TRDN: variants seen among roughly 807,000 people sequenced by gnomAD.
TRDN encodes triadin, also known as triadin in skeletal muscle.
In TRDN, 161 loss-of-function variants were observed where a neutral mutation model predicts 149.7. The observed-to-expected ratio is 1.08, with a 90% CI of 0.95 to 1.23. The LOEUF (loss-of-function observed/expected upper bound fraction) is 1.23. Among genes scored for constraint, TRDN ranks in the 50% most tolerant of loss-of-function variants. TRDN has a pLI of 0.00. For synonymous variants in TRDN, 294 were observed against 250.5 expected (o/e 1.17, Z -1.64); for missense variants, 896 against 823.5 (o/e 1.09, Z -1.08).
At chr6:123,318,617 C>T (rs1418785986) in intron 23 of TRDN, among the ~76,000 whole-genome samples, 1 of 151,932 alleles carries the variant, frequency 6.6e-6, no homozygotes, top group Non-Finnish European at 1.5e-5. Context: ...TCTTTTCTTC[C>T]TAGGACACAG....
At chr6:123,465,944 G>A (rs77476074) in intron 9 of TRDN, among the ~76,000 whole-genome samples, 2,084 of 152,236 alleles carry the variant, frequency 0.014, 40 homozygotes, top group African/African-American at 0.047. Context: ...GTGTAATATG[G>A]TTTAGCAAGC....
chr6:123,322,782 A>G (rs1317581727), intron 23 of TRDN, among the ~76,000 whole-genome samples: 2 of 151,880 alleles, frequency 1.3e-5, no homozygotes, highest in Admixed American at 6.6e-5. Flanking sequence ...CTGGGACTAT[A>G]GGTGCCTACC....
At chr6:123,598,612 C>A (rs557614103) in intron 1 of TRDN, among the ~76,000 whole-genome samples, 12 of 152,044 alleles carry the variant, frequency 7.9e-5, no homozygotes, top group Non-Finnish European at 1.5e-4. Context: ...GCTACCTACT[C>A]CCTTTGCAGG....
chr6:123,427,669 A>G (rs1436386948), intron 12 of TRDN, among the ~76,000 whole-genome samples: 1 of 152,170 alleles, frequency 6.6e-6, no homozygotes, highest in Non-Finnish European at 1.5e-5. Context: ...ATAGGAGAGT[A>G]GATCAAAGTT....
At chr6:123,274,890 A>G (rs1237691914) in intron 26 of TRDN, among the ~76,000 whole-genome samples, 4 of 152,116 alleles carry the variant, frequency 2.6e-5, no homozygotes, top group Non-Finnish European at 5.9e-5. Context: ...AACCAGTTTT[A>G]CACTGGTTTG....
intron 6 of TRDN, among the ~76,000 whole-genome samples, chr6:123,514,286 C>G (rs571182078): frequency 1.0e-3 from 157 of 152,116 alleles, no homozygotes; most frequent in African/African-American, 3.5e-3. Flanking sequence ...ACCCCAGAGG[C>G]AGAGGTTGCA....
intron 19 of TRDN, among the ~76,000 whole-genome samples, chr6:123,374,778 A>C (rs932443196): frequency 7.9e-5 from 12 of 151,080 alleles, no homozygotes; most frequent in African/African-American, 2.9e-4. Flanking sequence ...CATCAAAAAA[A>C]ACAAAAACAA....
intron 37 of TRDN, among the ~76,000 whole-genome samples, chr6:123,253,742 C>T (rs1776459340): frequency 1.3e-5 from 2 of 152,142 alleles, no homozygotes; most frequent in Admixed American, 6.6e-5. Context: ...GATAGATTCA[C>T]AGAACAGAGT....
chr6:123,406,839 C>T (rs1250087801), intron 12 of TRDN, among the ~76,000 whole-genome samples: 4 of 152,106 alleles, frequency 2.6e-5, no homozygotes, highest in African/African-American at 7.2e-5. Context: ...TCAAGGTTTA[C>T]TGATTCAAAA....
chr6:123,369,567 G>A (rs1480947012), intron 19 of TRDN, among the ~76,000 whole-genome samples: 2 of 152,052 alleles, frequency 1.3e-5, no homozygotes, highest in Non-Finnish European at 2.9e-5. Context: ...ACCCAATAAA[G>A]TTGCTTTCTC....
At chr6:123,408,959 A>G (rs1423651315) in intron 12 of TRDN, among the ~76,000 whole-genome samples, 2 of 152,144 alleles carry the variant, frequency 1.3e-5, no homozygotes, top group Non-Finnish European at 2.9e-5. Context: ...TTACCCTCCT[A>G]AGACTTTACA....
rs1193687135 is a variant in TRDN at position 123,337,688 on chromosome 6, G to A, written c.1370-19C>T. On this transcript the variant is annotated intron_variant, in intron 21 of 40. Coordinates refer to ENST00000334268, the MANE Select transcript of TRDN (RefSeq NM_006073.4). ...CTAATTTCTGCAAGAGAGATCATGGGAAGAAAAAGTTACAAGGAATAAGAG... is the reference window on the plus strand; with the variant it reads ...CTAATTTCTGCAAGAGAGATCATGGAAAGAAAAAGTTACAAGGAATAAGAG... 1.4e-6 allele frequency: 2 copies of A among 1,423,208 alleles called. No homozygotes were observed. Among genetic ancestry groups the A allele is most frequent in the Non-Finnish European group, 1.9e-6 (2 of 1,061,242 alleles). The allele number at this position is 1,423,208 out of a possible 1,614,324, so 88.2% of individuals were successfully genotyped here.
intron 9 of TRDN, among the ~76,000 whole-genome samples, chr6:123,482,809 C>A (rs1020736414): frequency 6.6e-6 from 1 of 152,060 alleles, no homozygotes; most frequent in African/African-American, 2.4e-5. Context: ...TACCCAAACA[C>A]TGTGGATGGT....
At chr6:123,596,476 A>C (rs1446732376) in intron 1 of TRDN, among the ~76,000 whole-genome samples, 1 of 152,144 alleles carries the variant, frequency 6.6e-6, no homozygotes, top group African/African-American at 2.4e-5. Context: ...ACTAAACAAC[A>C]AACTTTCAAT....
intron 13 of TRDN, among the ~76,000 whole-genome samples, chr6:123,390,034 T>C (rs937475606): frequency 6.6e-6 from 1 of 152,086 alleles, no homozygotes; most frequent in African/African-American, 2.4e-5. Context: ...CATCCAATCA[T>C]GATTTGGATG....
chr6:123,473,777 A>G (rs1279607767), intron 9 of TRDN, among the ~76,000 whole-genome samples: 22 of 151,986 alleles, frequency 1.4e-4, no homozygotes, highest in Middle Eastern at 3.4e-3. Flanking sequence ...AGAAGAGAGT[A>G]GGGGCCAATA....
intron 24 of TRDN, among the ~76,000 whole-genome samples, chr6:123,284,860 A>G (rs1260745691): frequency 6.6e-6 from 1 of 152,118 alleles, no homozygotes; most frequent in Non-Finnish European, 1.5e-5. Context: ...GCTCTGCTAT[A>G]TACCAGCAGT....
intron 1 of TRDN, among the ~76,000 whole-genome samples, chr6:123,624,825 T>C (rs17085511): frequency 0.036 from 5,512 of 151,980 alleles, 297 homozygotes; most frequent in African/African-American, 0.12. Context: ...GCAATAGAGG[T>C]TCAAATAATG....
intron 5 of TRDN, among the ~76,000 whole-genome samples, chr6:123,523,589 AG>A (rs1335167536): frequency 2.6e-5 from 4 of 152,116 alleles, no homozygotes; most frequent in African/African-American, 9.7e-5. Context: ...TCAGTTAAGA[AG>A]TGACTGTCAC....
Sources: allele counts gnomAD v4.1 joint callset (sites outside exome capture counted in the v4.1 genomes callset), GRCh38; gene constraint gnomAD v4.1.1; transcripts MANE v1.5; gene names NCBI Gene and HGNC (gene_info 2026-07-23, HGNC 2026-07-21).